The following NFATC1 variants were observed in gnomAD, a reference collection of about 807,000 sequenced individuals.
The protein encoded by NFATC1 is nuclear factor of activated T-cells, cytoplasmic 1.
Under a neutral mutation model 76.0 loss-of-function variants are expected in NFATC1, and 22 were observed. The observed-to-expected ratio is 0.29, with a 90% CI of 0.21 to 0.41. The LOEUF is 0.41. Among genes scored for constraint, NFATC1 ranks in the 10% least tolerant of loss-of-function variants. The probability of loss-of-function intolerance (pLI) is 1.00; values close to 1 mark genes in which losing one functional copy is unlikely to be tolerated. For synonymous variants in NFATC1, 704 were observed against 613.1 expected (o/e 1.15, Z -2.19); for missense variants, 1,357 against 1,337.7 (o/e 1.01, Z -0.23).
intron 3 of NFATC1, among the ~76,000 whole-genome samples, chr18:79,448,099 C>T (rs948612319): frequency 6.6e-6 from 1 of 152,242 alleles, no homozygotes; most frequent in Non-Finnish European, 1.5e-5. Context: ...CTCACCCACA[C>T]GGCGCCGGCC....
chr18:79,417,131 T>C (rs184515963), intron 2 of NFATC1, among the ~76,000 whole-genome samples: 3,209 of 79,336 alleles, frequency 0.04, 114 homozygotes, highest in East Asian at 0.076. Flanking sequence ...GGAGATGGGC[T>C]GTGGCGGGAG....
chr18:79,417,292 GTGGGAGA>G (rs1351215795), intron 2 of NFATC1, among the ~76,000 whole-genome samples: 2 of 45,064 alleles, frequency 4.4e-5, no homozygotes, highest in African/African-American at 1.0e-4. Context: ...ATGGGCTGTG[GTGGGAGA>G]TGGGAGATGG....
Position 79,410,582 on chromosome 18 carries a change from T to C in NFATC1, c.307T>C (p.Ser103Pro), listed in dbSNP as rs772862308. ...LDGGPAGYFL[S>P]SGHTRPDGAP... ...CGGTGGGCCCGCGGGCTACTTCCTC[T>C]CCTCCGGCCACACCAGGCCTGATGG... Residue 103 changes from serine (S) to proline (P), a missense_variant, in exon 2 of 10, where the codon TCC becomes CCC. Around this residue, in one of 3 missense-constraint regions of NFATC1, gnomAD observed 691 missense variants for 613.1 expected, o/e 1.13. Coordinates refer to ENST00000427363, the MANE Select transcript of NFATC1 (RefSeq NM_001278669.2). This position sits in a 1 kb window ranked among gnomAD's most constrained non-coding sequence, Gnocchi z 6.7. 6 of 1,611,952 alleles carry C rather than the reference T, an allele frequency of 3.7e-6. No individual in the cohort carries two copies. Among genetic ancestry groups the C allele is most frequent in the Non-Finnish European group, 5.1e-6 (6 of 1,179,940 alleles).
At chr18:79,502,127 T>C (rs1213225627) in intron 9 of NFATC1, among the ~76,000 whole-genome samples, 1 of 152,216 alleles carries the variant, frequency 6.6e-6, no homozygotes, top group Non-Finnish European at 1.5e-5. Context: ...GCTATAATAA[T>C]CAAGACAGTG....
At chr18:79,447,960 T>C (rs1355345716) in intron 3 of NFATC1, among the ~76,000 whole-genome samples, 2 of 152,218 alleles carry the variant, frequency 1.3e-5, no homozygotes, top group Non-Finnish European at 2.9e-5. Flanking sequence ...CCTGAACATG[T>C]GTGTGCCCTG....
chr18:79,522,688 CAG>C (rs1491144149), intron 9 of NFATC1, among the ~76,000 whole-genome samples: 3 of 152,212 alleles, frequency 2.0e-5, no homozygotes, highest in East Asian at 3.9e-4. Context: ...GCAGGTGAAA[CAG>C]GGAGGACCAG....
chr18:79,400,541 G>C, intron 1 of NFATC1: 1 of 1,279,328 alleles, frequency 7.8e-7, no homozygotes, highest in Non-Finnish European at 1.0e-6. Flanking sequence ...GGGCGCCCAG[G>C]CCCCCTCCGC....
chr18:79,399,046 GA>G (rs949980800), intron 1 of NFATC1, among the ~76,000 whole-genome samples: 2 of 152,246 alleles, frequency 1.3e-5, no homozygotes, highest in African/African-American at 4.8e-5. Flanking sequence ...CAGCCTGGGT[GA>G]CAGAGCGAGA....
At chr18:79,397,086 G>A (rs149731403) in intron 1 of NFATC1, among the ~76,000 whole-genome samples, 66 of 152,276 alleles carry the variant, frequency 4.3e-4, no homozygotes, top group African/African-American at 1.5e-3. Context: ...GGTGTGGGGG[G>A]CGCTGAGACC....
At chr18:79,455,796 A>ACGGCCGCCCCATCCCC (rs1568984316) in intron 6 of NFATC1, among the ~76,000 whole-genome samples, 3 of 51,110 alleles carry the variant, frequency 5.9e-5, no homozygotes, top group Admixed American at 2.0e-4. Flanking sequence ...GCCCCATCCC[A>ACGGCCGCCCCATCCCC]CGGCCGCCCC....
At chr18:79,450,840 T>C in intron 4 of NFATC1, 114 bp from the exon 5 acceptor site, 1 of 1,354,238 alleles carries the variant, frequency 7.4e-7, no homozygotes, top group Non-Finnish European at 1.0e-6. Context: ...AGTGGCCAGC[T>C]GCCTGGCACG....
rs552523815 is a variant in NFATC1 at position 79,523,500 on chromosome 18, G to T, written c.2783-4028G>T. Among the ~76,000 whole-genome samples, 5 of 152,378 alleles carry T rather than the reference G, an allele frequency of 3.3e-5. 1 individual carries two copies. Among genetic ancestry groups the T allele is most frequent in the African/African-American group, 1.2e-4 (5 of 41,598 alleles). On this transcript the variant is annotated intron_variant, in intron 9 of 9. Transcript: ENST00000427363. ...TGACTGAGAAAGGCGTCTCGCCTACGGCTTGTTTACGCACAGCTAGTGAGA... is the reference window on the plus strand; with the variant it reads ...TGACTGAGAAAGGCGTCTCGCCTACTGCTTGTTTACGCACAGCTAGTGAGA...
chr18:79,459,397 C>A (rs527793440), intron 6 of NFATC1, among the ~76,000 whole-genome samples: 1 of 152,192 alleles, frequency 6.6e-6, no homozygotes, highest in Admixed American at 6.5e-5. Context: ...GCGGGGGAGA[C>A]GGCTGGAGTC....
intron 8 of NFATC1, 113 bp downstream of exon 8, chr18:79,467,695 G>A (rs1227913923): frequency 6.6e-7 from 1 of 1,513,240 alleles, no homozygotes; most frequent in Non-Finnish European, 8.9e-7. Flanking sequence ...ACATTTAACT[G>A]TGTGATGTCC....
chr18:79,479,901 A>G (rs1034893970), intron 8 of NFATC1, among the ~76,000 whole-genome samples: 14 of 152,172 alleles, frequency 9.2e-5, no homozygotes, highest in Admixed American at 7.2e-4. Context: ...ATGGCACAAG[A>G]CGCCGCTGCC....
At chr18:79,415,600 A>T (rs2085851124) in intron 2 of NFATC1, among the ~76,000 whole-genome samples, 1 of 152,142 alleles carries the variant, frequency 6.6e-6, no homozygotes, top group African/African-American at 2.4e-5. Flanking sequence ...CAATTTCTAC[A>T]CATGAAACAT....
chr18:79,453,454 C>T (rs1340915126), intron 6 of NFATC1, among the ~76,000 whole-genome samples: 1 of 152,266 alleles, frequency 6.6e-6, no homozygotes, highest in African/African-American at 2.4e-5. Flanking sequence ...CAAGGGGATG[C>T]AGGACCAGCC....
intron 8 of NFATC1, among the ~76,000 whole-genome samples, chr18:79,471,515 C>T (rs913886824): frequency 4.6e-5 from 7 of 152,148 alleles, no homozygotes; most frequent in Admixed American, 2.0e-4. Context: ...TCGTTTTAGT[C>T]GGTTACCTGG....
chr18:79,513,167 C>G (rs1039000382), intron 9 of NFATC1, among the ~76,000 whole-genome samples: 2 of 152,274 alleles, frequency 1.3e-5, no homozygotes, highest in Non-Finnish European at 2.9e-5. Flanking sequence ...GCTGTGTCAA[C>G]TCCCGTCGGC....
Sources: allele counts gnomAD v4.1 joint callset (sites outside exome capture counted in the v4.1 genomes callset), GRCh38; gene constraint gnomAD v4.1.1; regional missense constraint gnomAD v4.1.1; non-coding constraint Gnocchi (gnomAD v3.1); transcripts MANE v1.5; gene names NCBI Gene and HGNC (gene_info 2026-07-23, HGNC 2026-07-21).